Variants in EYS observed in about 807,000 individuals in gnomAD.
The protein encoded by EYS is EGF-like photoreceptor maintenance factor, also known as protein eyes shut homolog.
In EYS, 250 loss-of-function variants were observed where a neutral mutation model predicts 282.1. The ratio of observed to expected loss-of-function variants is 0.89; its 90% CI spans 0.80 to 0.98. EYS has a LOEUF of 0.98. Ranked by LOEUF, EYS falls within the 50% of genes least tolerant of loss-of-function variation. The pLI is 0.00. For synonymous variants in EYS, 1,355 were observed against 1,282.9 expected (o/e 1.06, Z -1.20); for missense variants, 4,016 against 3,709.0 (o/e 1.08, Z -2.15).
intron 11 of EYS, chr6:65,329,895 G>T: frequency 1.0e-6 from 1 of 979,830 alleles, no homozygotes; most frequent in African/African-American, 1.8e-5. Context: ...TGGACTTTTA[G>T]ATTCTACACT....
chr6:65,054,449 C>A (rs549261820), intron 13 of EYS, among the ~76,000 whole-genome samples: 3 of 151,998 alleles, frequency 2.0e-5, no homozygotes, highest in Non-Finnish European at 2.9e-5. Context: ...AAGATAAAAA[C>A]TACTATTGAT....
intron 11 of EYS, among the ~76,000 whole-genome samples, chr6:65,324,608 A>C (rs1261412855): frequency 6.6e-6 from 1 of 152,216 alleles, no homozygotes; most frequent in African/African-American, 2.4e-5. Flanking sequence ...CTCCACTGTC[A>C]GGAAAGAAGA....
intron 31 of EYS, among the ~76,000 whole-genome samples, chr6:64,143,783 T>C (rs1215497121): frequency 6.6e-6 from 1 of 152,182 alleles, no homozygotes; most frequent in African/African-American, 2.4e-5. Context: ...TGCCAATAAT[T>C]AGCTAAGCCA....
chr6:64,038,765 C>T (rs1288687654), intron 33 of EYS, among the ~76,000 whole-genome samples: 1 of 151,152 alleles, frequency 6.6e-6, no homozygotes, highest in Non-Finnish European at 1.5e-5. Flanking sequence ...TTACTTTATT[C>T]TACCTAATTT....
chr6:65,449,824 C>A (rs966338693), intron 5 of EYS, among the ~76,000 whole-genome samples: 4 of 151,806 alleles, frequency 2.6e-5, no homozygotes, highest in African/African-American at 9.7e-5. Flanking sequence ...AAAGTAATTT[C>A]TTCCTTTAGC....
chr6:65,286,127 T>A (rs1279871642), intron 12 of EYS, among the ~76,000 whole-genome samples: 2 of 151,950 alleles, frequency 1.3e-5, no homozygotes, highest in African/African-American at 4.8e-5. Context: ...TGAAAATGTG[T>A]CATTTTCATA....
At chr6:64,341,011 G>A (rs369627346) in intron 29 of EYS, among the ~76,000 whole-genome samples, 36 of 151,562 alleles carry the variant, frequency 2.4e-4, no homozygotes, top group Non-Finnish European at 3.4e-4. Context: ...AAACCACAAC[G>A]AGATACCAGC....
chr6:65,302,181 A>C (rs1373734206), intron 11 of EYS, among the ~76,000 whole-genome samples: 1 of 152,170 alleles, frequency 6.6e-6, no homozygotes, highest in Non-Finnish European at 1.5e-5. Flanking sequence ...TTAATCTCCC[A>C]GTAGTTGGGA....
intron 2 of EYS, among the ~76,000 whole-genome samples, chr6:65,620,079 A>G (rs1388882376): frequency 1.4e-4 from 21 of 152,218 alleles, no homozygotes; most frequent in Admixed American, 1.4e-3. Context: ...AAAATGAGTT[A>G]GAGAGGATTC....
chr6:65,328,651 C>T (rs1214369667), intron 11 of EYS, among the ~76,000 whole-genome samples: 9 of 150,518 alleles, frequency 6.0e-5, no homozygotes, highest in Non-Finnish European at 1.3e-4. Context: ...AAATGGGAAA[C>T]AAGTGAATAA....
chr6:64,081,176 C>T (rs1413132126), intron 32 of EYS, among the ~76,000 whole-genome samples: 1 of 152,150 alleles, frequency 6.6e-6, no homozygotes, highest in African/African-American at 2.4e-5. Flanking sequence ...AAAGACATTA[C>T]ACCTCCAATA....
chr6:64,069,912 A>AT (rs926644462), intron 32 of EYS, among the ~76,000 whole-genome samples: 3 of 152,076 alleles, frequency 2.0e-5, no homozygotes, highest in South Asian at 2.1e-4. Flanking sequence ...AAGTAATTAT[A>AT]TTTTTTTCAA....
Position 65,475,671 on chromosome 6 carries a change from C to A in EYS, c.862+14923G>T, listed in dbSNP as rs562587710. On this transcript the variant is annotated intron_variant, in intron 5 of 42. Transcript: ENST00000503581. ...GTTTTAAAATAACTGAAATAAAAAT[C>A]ATCTGACATATGTTGTTTACCTTAC... Among the ~76,000 whole-genome samples, 173 of 151,808 alleles carry A rather than the reference C, an allele frequency of 1.1e-3. 1 individual carries two copies. The highest frequency in any genetic ancestry group is 3.6e-3 in the African/African-American group (149 of 41,404).
rs567721094 is a variant in EYS, at chr6:63,749,064, G to A, written c.8071+13397C>T. On this transcript the variant is annotated intron_variant, in intron 41 of 42. Coordinates refer to ENST00000503581, the MANE Select transcript of EYS (RefSeq NM_001142800.2). ...TGCTCTTGGTTCTCTAGTTCTTTTA[G>A]TTGTGATGTTAGGTTGTTAAATTGC... Among the ~76,000 whole-genome samples the A allele has an allele frequency of 2.6e-5, 4 of 152,096 alleles. No homozygotes were observed. The South Asian group carries it at 8.3e-4, about 32-fold the overall frequency.
intron 26 of EYS, among the ~76,000 whole-genome samples, chr6:64,448,671 G>A (rs750449384): frequency 1.3e-5 from 2 of 152,140 alleles, no homozygotes; most frequent in Admixed American, 1.3e-4. Flanking sequence ...CCAGAGGAAC[G>A]ATCAGGCAGC....
chr6:65,077,350 C>G (rs1183812711), intron 12 of EYS, among the ~76,000 whole-genome samples: 1 of 151,950 alleles, frequency 6.6e-6, no homozygotes, highest in African/African-American at 2.4e-5. Context: ...TAAAGAGAGA[C>G]AAACAGTAAA....
At chr6:63,880,100 G>A (rs1483195355) in intron 35 of EYS, among the ~76,000 whole-genome samples, 2 of 152,114 alleles carry the variant, frequency 1.3e-5, no homozygotes, top group East Asian at 3.8e-4. Context: ...AATACTGAGG[G>A]TCAACTTGAT....
intron 35 of EYS, among the ~76,000 whole-genome samples, chr6:63,974,667 C>G (rs1766748199): frequency 6.6e-6 from 1 of 151,936 alleles, no homozygotes; most frequent in South Asian, 2.1e-4. Flanking sequence ...TTCCATTGGT[C>G]AAACCTTGAA....
chr6:65,230,865 G>A (rs1229100967), intron 12 of EYS, among the ~76,000 whole-genome samples: 1 of 151,120 alleles, frequency 6.6e-6, no homozygotes, highest in Non-Finnish European at 1.5e-5. Context: ...GTGTTACATG[G>A]CATGCTCTTA....
Sources: allele counts gnomAD v4.1 joint callset (sites outside exome capture counted in the v4.1 genomes callset), GRCh38; gene constraint gnomAD v4.1.1; transcripts MANE v1.5; gene names NCBI Gene and HGNC (gene_info 2026-07-23, HGNC 2026-07-21).